CFH: variants seen among roughly 807,000 people sequenced by gnomAD.
CFH encodes the protein complement factor H.
CFH carries 53 observed loss-of-function variants against 147.3 expected under a neutral mutation model. The observed-to-expected ratio is 0.36, with a 90% CI of 0.29 to 0.45. The LOEUF (loss-of-function observed/expected upper bound fraction) is 0.45. Among genes scored for constraint, CFH ranks in the 20% least tolerant of loss-of-function variants. The probability of loss-of-function intolerance (pLI) is 1.00; values close to 1 mark genes in which losing one functional copy is unlikely to be tolerated. For synonymous variants in CFH, 536 were observed against 489.4 expected (o/e 1.10, Z -1.26); for missense variants, 1,380 against 1,498.0 (o/e 0.92, Z 1.30).
intron 9 of CFH, among the ~76,000 whole-genome samples, chr1:196,700,108 A>G (rs1422858970): frequency 6.6e-6 from 1 of 152,208 alleles, no homozygotes; most frequent in South Asian, 2.1e-4. Flanking sequence ...CTTAGGGAAG[A>G]ATGTACTTTC....
intron 11 of CFH, among the ~76,000 whole-genome samples, chr1:196,723,324 GAC>G (rs1206418997): frequency 6.6e-6 from 1 of 152,088 alleles, no homozygotes; most frequent in Non-Finnish European, 1.5e-5. Flanking sequence ...CAGTGGTAAA[GAC>G]TCTGTTTGAG....
chr1:196,681,690 A>G (rs986485912), intron 6 of CFH, among the ~76,000 whole-genome samples: 1 of 151,798 alleles, frequency 6.6e-6, no homozygotes, highest in Non-Finnish European at 1.5e-5. Flanking sequence ...AATAATCGAT[A>G]TAAATAAAGG....
At chr1:196,685,301 A>T in intron 7 of CFH, 64 bp downstream of exon 7, 2 of 1,499,638 alleles carry the variant, frequency 1.3e-6, no homozygotes, top group East Asian at 2.3e-5. Flanking sequence ...CACATAAAAA[A>T]TAGGGACTCA....
At chr1:196,714,215 T>C (rs1231510520) in intron 10 of CFH, among the ~76,000 whole-genome samples, 4 of 152,078 alleles carry the variant, frequency 2.6e-5, no homozygotes, top group Non-Finnish European at 4.4e-5. Flanking sequence ...TTTATGACTG[T>C]TAATATATAT....
chr1:196,702,595 C>T (rs562294527), intron 9 of CFH, among the ~76,000 whole-genome samples: 43 of 150,578 alleles, frequency 2.9e-4, no homozygotes, highest in Non-Finnish European at 5.6e-4. Flanking sequence ...CAGAACCCTA[C>T]CTGAGCAGGC....
At position 196,726,572 on chromosome 1, in the gene CFH, G is replaced by T. The variant is rs1442479023; in HGVS notation, c.1976G>T (p.Cys659Phe). 1 of 1,612,676 alleles carries T rather than the reference G, an allele frequency of 6.2e-7. No individual in the cohort carries two copies. The highest frequency in any genetic ancestry group is 8.5e-7 in the Non-Finnish European group (1 of 1,178,828). Reference protein sequence around the residue: ...YGHSEVVEYYCNPRFLMKGPN... With the variant: ...YGHSEVVEYYFNPRFLMKGPN... ...CACAGTGAAGTGGTGGAATATTATT[G>T]CAATCCTAGATTTCTAATGAAGGGA... The change falls in exon 13 of 22, where the codon TGC (cysteine) becomes TTC (phenylalanine). Residue 659 changes from cysteine to phenylalanine, a missense_variant. By Grantham distance (205) the Cys-to-Phe change is radical (BLOSUM62 -2). This residue lies in a region of CFH where 830 missense variants were observed against 821.4 expected (regional missense o/e 1.01). Coordinates refer to ENST00000367429, the MANE Select transcript of CFH (RefSeq NM_000186.4).
intron 15 of CFH, among the ~76,000 whole-genome samples, chr1:196,736,524 A>C (rs374231): frequency 0.034 from 5,098 of 152,082 alleles, 259 homozygotes; most frequent in African/African-American, 0.11. Context: ...AATTAAAATC[A>C]ATATTACATA....
At chr1:196,716,535 G>A (rs1363693944) in intron 11 of CFH, among the ~76,000 whole-genome samples, 1 of 152,066 alleles carries the variant, frequency 6.6e-6, no homozygotes, top group Non-Finnish European at 1.5e-5. Flanking sequence ...TTTCCTGGAT[G>A]CTGTACTTTT....
intron 1 of CFH, among the ~76,000 whole-genome samples, chr1:196,661,526 G>T (rs766758848): frequency 1.3e-5 from 2 of 152,120 alleles, no homozygotes; most frequent in Non-Finnish European, 2.9e-5. Flanking sequence ...GTGCCTTTTG[G>T]CTGTGTCCTC....
At chr1:196,703,758 G>A (rs1668517898) in intron 9 of CFH, among the ~76,000 whole-genome samples, 1 of 151,940 alleles carries the variant, frequency 6.6e-6, no homozygotes. Flanking sequence ...GCTGAGATGG[G>A]CAGATCACAA....
At chr1:196,705,974 C>A (rs146501595) in intron 9 of CFH, among the ~76,000 whole-genome samples, 2 of 152,110 alleles carry the variant, frequency 1.3e-5, no homozygotes, top group African/African-American at 4.8e-5. Flanking sequence ...TTCTATTCAA[C>A]CAGACATGAC....
intron 6 of CFH, among the ~76,000 whole-genome samples, chr1:196,681,181 T>C (rs1001730752): frequency 1.3e-5 from 2 of 151,868 alleles, no homozygotes; most frequent in Non-Finnish European, 2.9e-5. Context: ...TTATTTTACA[T>C]CAGGACCTTG....
intron 9 of CFH, chr1:196,701,297 C>T: frequency 6.2e-7 from 1 of 1,613,756 alleles, no homozygotes; most frequent in Non-Finnish European, 8.5e-7. Context: ...GGGTAATCAT[C>T]TGCTCTTCAA....
rs2149103775 is a variant in CFH at position 196,715,776 on chromosome 1, A to G, written c.1696+7A>G. 6.3e-7 allele frequency: 1 copy of G among 1,582,054 alleles called. No homozygotes were observed. Among genetic ancestry groups the G allele is most frequent in the East Asian group, 2.3e-5 (1 of 44,430 alleles). On this transcript the variant is annotated splice_region_variant and intron_variant, in intron 11 of 21. Coordinates refer to ENST00000367429, the MANE Select transcript of CFH (RefSeq NM_000186.4). ...GATTTACCCATATGTTATGGTAAGT[A>G]CTGGTTTTTCAGAAATTCATTTTCA... is the stretch of plus-strand genomic sequence containing the variant.
chr1:196,691,142 A>G (rs1668007916), intron 9 of CFH, among the ~76,000 whole-genome samples: 1 of 151,820 alleles, frequency 6.6e-6, no homozygotes, highest in Non-Finnish European at 1.5e-5. Context: ...ATTTTTTCTC[A>G]ACTCCTATAT....
chr1:196,739,178 C>T (rs961955029), intron 17 of CFH, among the ~76,000 whole-genome samples: 2 of 152,194 alleles, frequency 1.3e-5, no homozygotes, highest in African/African-American at 2.4e-5. Context: ...CCCTCCTGGG[C>T]TTCTGGGCCT....
At chr1:196,741,209 T>C (rs1215410626) in intron 18 of CFH, 1 of 237,040 alleles carries the variant, frequency 4.2e-6, no homozygotes, top group Admixed American at 5.2e-5. Flanking sequence ...ACACACAATA[T>C]AGGTGGTGTA....
At chr1:196,702,847 G>A (rs913067535) in intron 9 of CFH, among the ~76,000 whole-genome samples, 3 of 152,036 alleles carry the variant, frequency 2.0e-5, no homozygotes, top group African/African-American at 7.2e-5. Context: ...CCCAAGCAAA[G>A]GAGTCTCAGT....
At chr1:196,714,635 G>GTGTATATATGTATATATATA (rs1392624278) in intron 10 of CFH, among the ~76,000 whole-genome samples, 7 of 24,922 alleles carry the variant, frequency 2.8e-4, no homozygotes, top group African/African-American at 1.2e-3. Context: ...ACGTATATAT[G>GTGTATATATGTATATATATA]TATATATATA....
Sources: gnomAD v4.1 joint callset for allele counts (sites outside exome capture counted in the v4.1 genomes callset) on GRCh38, gnomAD v4.1.1 for gene constraint, gnomAD v4.1.1 regional missense constraint, MANE v1.5 for transcripts, NCBI Gene and HGNC (gene_info 2026-07-23, HGNC 2026-07-21) for gene names.